SYNE2: variants seen among roughly 807,000 people sequenced by gnomAD.
SYNE2 encodes the protein spectrin repeat containing nuclear envelope protein 2, also known as nesprin-2.
A neutral mutation model predicts 856.3 loss-of-function variants in SYNE2; 431 were observed. The observed-to-expected ratio is 0.50, with a 90% CI of 0.47 to 0.55. The LOEUF (loss-of-function observed/expected upper bound fraction) is 0.55, where lower values mean the gene tolerates loss of function less well. Among genes scored for constraint, SYNE2 ranks in the 20% least tolerant of loss-of-function variants. The pLI is 0.00. For missense variants in SYNE2, 8,129 were observed against 8,023.2 expected (o/e 1.01, Z -0.50); for synonymous variants, 2,923 against 2,872.3 (o/e 1.02, Z -0.56).
At position 64,146,143 on chromosome 14, in the gene SYNE2, G is replaced by A; in HGVS notation, c.15559G>A (p.Glu5187Lys). The A allele has an allele frequency of 6.2e-7, 1 of 1,612,002 alleles. No homozygotes were observed. The highest frequency in any genetic ancestry group is 1.1e-5 in the South Asian group (1 of 90,664). The change falls in exon 84 of 116, where the codon GAA becomes AAA. Residue 5187 changes from glutamate to lysine, a missense_variant. Physicochemically the swap from Glu to Lys is moderately conservative, Grantham distance 56 (BLOSUM62 1). This residue lies in a region of SYNE2 where 5,410 missense variants were observed against 5,284.8 expected (regional missense o/e 1.02). Coordinates refer to ENST00000555002, the MANE Select transcript of SYNE2 (RefSeq NM_182914.3). ...AATACAGATCTTGAACAACTGGCTG[G>A]AAGCACAAGAAGAGAGACTGAAAAC... ...NKIQILNNWL[E>K]AQEERLKTLQ...
chr14:63,935,580 A>C (rs531756887), intron 2 of SYNE2, among the ~76,000 whole-genome samples: 3 of 152,238 alleles, frequency 2.0e-5, no homozygotes, highest in Non-Finnish European at 4.4e-5. Context: ...TTAGATAGAG[A>C]TTAATAAGGT....
At chr14:64,019,359 G>A (rs1437335986) in intron 34 of SYNE2, among the ~76,000 whole-genome samples, 1 of 151,982 alleles carries the variant, frequency 6.6e-6, no homozygotes, top group Non-Finnish European at 1.5e-5. Context: ...ACATAAAAAT[G>A]TATGCTAATG....
chr14:64,168,113 T>G (rs2098391124), intron 92 of SYNE2, among the ~76,000 whole-genome samples: 1 of 152,184 alleles, frequency 6.6e-6, no homozygotes, highest in South Asian at 2.1e-4. Context: ...CTGCTTTTTT[T>G]GGTGGGGGGA....
chr14:63,789,599 T>C (rs939948875), intron 1 of SYNE2, among the ~76,000 whole-genome samples: 3 of 151,980 alleles, frequency 2.0e-5, no homozygotes, highest in African/African-American at 7.3e-5. Context: ...CTTACCAACA[T>C]GGCGAAATCC....
upstream of SYNE2, among the ~76,000 whole-genome samples, chr14:63,849,414 G>A (rs1444043105): frequency 6.6e-6 from 1 of 152,022 alleles, no homozygotes; most frequent in Non-Finnish European, 1.5e-5. Flanking sequence ...TACCCATCTG[G>A]TGAATCACTT....
chr14:64,024,551 G>A, intron 39 of SYNE2, 92 bp downstream of exon 39: 2 of 1,229,728 alleles, frequency 1.6e-6, no homozygotes, highest in South Asian at 1.3e-5. Flanking sequence ...GGGATACGCA[G>A]TACACACAAA....
intron 1 of SYNE2, among the ~76,000 whole-genome samples, chr14:63,842,979 T>C (rs901716886): frequency 1.7e-4 from 26 of 152,278 alleles, no homozygotes; most frequent in Non-Finnish European, 3.2e-4. Context: ...TTACTTTAAA[T>C]CTTCTATCTT....
At chr14:64,083,555 A>G (rs1281102360) in intron 57 of SYNE2, among the ~76,000 whole-genome samples, 1 of 152,240 alleles carries the variant, frequency 6.6e-6, no homozygotes, top group Non-Finnish European at 1.5e-5. Flanking sequence ...GAACTGAGGA[A>G]AGGAAGTAGG....
Position 64,158,757 on chromosome 14 carries a change from T to C in SYNE2, c.15925T>C (p.Ser5309Pro), listed in dbSNP as rs764386514. Residue 5309 changes from serine to proline, a missense_variant, in exon 86 of 116, where the codon TCA (serine) becomes CCA (proline). By Grantham distance (74) the Ser-to-Pro change is moderately conservative (BLOSUM62 -1). Coordinates refer to ENST00000555002, the MANE Select transcript of SYNE2 (RefSeq NM_182914.3). ...CMEHSKPVVL[S>P]LETLRCQVEN... is the part of the protein sequence containing the mutation. Reference sequence around the variant, plus strand: ...GGAACACAGCAAGCCTGTGGTGTTATCATTGGAGACCTTGAGATGCCAGGT... The same window carrying C: ...GGAACACAGCAAGCCTGTGGTGTTACCATTGGAGACCTTGAGATGCCAGGT... The C allele has an allele frequency of 1.4e-5, 22 of 1,613,888 alleles. No homozygotes were observed. Among genetic ancestry groups the C allele is most frequent in the Non-Finnish European group, 1.2e-5 (14 of 1,179,922 alleles).
intron 1 of SYNE2, among the ~76,000 whole-genome samples, chr14:63,802,059 A>G (rs1888151103): frequency 6.6e-6 from 1 of 150,644 alleles, no homozygotes; most frequent in Non-Finnish European, 1.5e-5. Flanking sequence ...ATAAGTATAA[A>G]GAAATAATAC....
In SYNE2 at chr14:64,000,634, A is replaced by G. The variant is rs1286514724; in HGVS notation, c.3553A>G (p.Asn1185Asp). The G allele has an allele frequency of 6.2e-7, 1 of 1,613,560 alleles. No homozygotes were observed. Among genetic ancestry groups the G allele is most frequent in the Non-Finnish European group, 8.5e-7 (1 of 1,179,746 alleles). The stretch of plus-strand genomic sequence containing the variant: ...TTCATTGAAGTTAGAAAATCATGTG[A>G]ATGACATAAAAAAGCCTTTTGTAAT... ...IISLKLENHV[N>D]DIKKPFVIKE... Residue 1185 changes from asparagine (N) to aspartate (D), a missense_variant, in exon 28 of 116, where the codon AAT (asparagine) becomes GAT (aspartate). Transcript: ENST00000555002.
At chr14:64,223,859 T>C (rs1394740755) in intron 113 of SYNE2, among the ~76,000 whole-genome samples, 1 of 152,186 alleles carries the variant, frequency 6.6e-6, no homozygotes, top group African/African-American at 2.4e-5. Context: ...ACTCTCTTGA[T>C]GGCCACATGA....
chr14:64,225,950 A>G lies in SYNE2; in HGVS notation c.*424A>G. 2.9e-6 allele frequency: 1 copy of G among 349,724 alleles called. No individual in the cohort carries two copies. The allele number at this position is 349,724 out of a possible 1,614,324, so 21.7% of individuals were successfully genotyped here. ...AGAAATGGTTCAGAAACTCATAGGC[A>G]CCCTTAGCTGATGGAAACAATCAAT... On this transcript the variant is annotated 3_prime_UTR_variant, in exon 116 of 116. Transcript: ENST00000555002.
rs2097697472 is a variant in SYNE2 at position 64,098,757 on chromosome 14, G to A, written c.12317G>A (p.Arg4106Lys). Residue 4106 changes from arginine to lysine, a missense_variant, in exon 63 of 116, where the codon AGA (arginine) becomes AAA (lysine). Coordinates refer to ENST00000555002, the MANE Select transcript of SYNE2 (RefSeq NM_182914.3). Reference protein sequence around the residue: ...RDASERKLNRRGSMSYLAAVE... With the variant: ...RDASERKLNRKGSMSYLAAVE... The stretch of plus-strand genomic sequence containing the variant: ...TGCTGTGCCTTTCAGTTGAACAGAA[G>A]AGGCTCCATGTCTTACCTGGCAGCA... 6.2e-7 allele frequency: 1 copy of A among 1,614,044 alleles called. No homozygotes were observed. The highest frequency in any genetic ancestry group is 8.5e-7 in the Non-Finnish European group (1 of 1,180,000).
chr14:64,040,688 T>C (rs933546972), intron 45 of SYNE2, among the ~76,000 whole-genome samples: 10 of 145,738 alleles, frequency 6.9e-5, no homozygotes, highest in African/African-American at 2.3e-4. Flanking sequence ...ATTTCTGCCA[T>C]ATATATATAT....
chr14:63,871,717 C>T (rs1467390529), intron 1 of SYNE2, among the ~76,000 whole-genome samples: 1 of 151,626 alleles, frequency 6.6e-6, no homozygotes, highest in East Asian at 1.9e-4. Flanking sequence ...TGGTCTCAAA[C>T]TCCTGAGCTT....
intron 1 of SYNE2, among the ~76,000 whole-genome samples, chr14:63,854,163 C>CTT (rs35131482): frequency 0.017 from 2,312 of 139,198 alleles, 40 homozygotes; most frequent in African/African-American, 0.046. Flanking sequence ...CTTGGCATCA[C>CTT]TTTTTTTTTT....
intron 2 of SYNE2, among the ~76,000 whole-genome samples, chr14:63,929,617 A>C (rs1232768167): frequency 6.6e-6 from 1 of 152,018 alleles, no homozygotes; most frequent in African/African-American, 2.4e-5. Flanking sequence ...CTAAAAATCC[A>C]AAAATTAGCT....
At chr14:63,945,336 G>A (rs2096009506) in intron 6 of SYNE2, among the ~76,000 whole-genome samples, 1 of 152,030 alleles carries the variant, frequency 6.6e-6, no homozygotes, top group Non-Finnish European at 1.5e-5. Flanking sequence ...CTAAAGGTGA[G>A]CACCGCTTTG....
Sources: allele counts gnomAD v4.1 joint callset (sites outside exome capture counted in the v4.1 genomes callset), GRCh38; gene constraint gnomAD v4.1.1; regional missense constraint gnomAD v4.1.1; transcripts MANE v1.5; gene names NCBI Gene and HGNC (gene_info 2026-07-23, HGNC 2026-07-21).